The following AP4M1 variants were observed in gnomAD, a reference collection of about 807,000 sequenced individuals.
AP4M1 encodes the protein AP-4 complex subunit mu-1.
In AP4M1, 58 loss-of-function variants were observed where a neutral mutation model predicts 62.4. The observed-to-expected ratio is 0.93, with a 90% CI of 0.75 to 1.16. AP4M1 has a LOEUF of 1.16. Among genes scored for constraint, AP4M1 ranks in the 50% most tolerant of loss-of-function variants. The pLI is 0.00. For missense variants in AP4M1, 626 were observed against 585.4 expected, an observed-to-expected ratio of 1.07 and a Z score of -0.72; for synonymous variants, 290 against 239.7, an observed-to-expected ratio of 1.21 and a Z score of -1.94.
upstream of AP4M1, chr7:100,100,972 G>A (rs1795983207): frequency 1.0e-5 from 10 of 978,742 alleles, no homozygotes; most frequent in Non-Finnish European, 1.4e-5. Flanking sequence ...GGTCCTGGGC[G>A]CGACTTTTCC....
Position 100,101,755 on chromosome 7 carries a change from C to T in AP4M1, c.41C>T (p.Pro14Leu), listed in dbSNP as rs368682395. Residue 14 changes from proline (P) to leucine (L), a missense_variant, in exon 1 of 15, where the codon CCG (proline) becomes CTG (leucine). Physicochemically the swap from Pro to Leu is moderately conservative, Grantham distance 98. Transcript: ENST00000359593. Reference sequence around the variant, plus strand: ...TTCATTCTGTCCTCCAAGGGGGACCCGCTCATCTACAAAGACTGTATCCTA... The same window carrying T: ...TTCATTCTGTCCTCCAAGGGGGACCTGCTCATCTACAAAGACTGTATCCTA... Reference protein sequence around the residue: ...QFFILSSKGDPLIYKDFRGDS... With the variant: ...QFFILSSKGDLLIYKDFRGDS... The T allele has an allele frequency of 6.2e-6, 10 of 1,613,162 alleles. No homozygotes were observed. In the African/African-American group the frequency reaches 6.7e-5, roughly 11 times the overall value.
intron 12 of AP4M1, 91 bp from the exon 13 acceptor site, chr7:100,106,150 C>T: frequency 6.4e-7 from 1 of 1,559,202 alleles, no homozygotes; most frequent in Non-Finnish European, 8.8e-7. Context: ...GTGGGGGGCA[C>T]CTGTGCTGAA....
Position 100,104,124 on chromosome 7 carries a change from C to T in AP4M1, c.576C>T (p.Val192=), listed in dbSNP as rs776742429. 10 of 1,613,960 alleles carry T rather than the reference C, an allele frequency of 6.2e-6. No individual in the cohort carries two copies. Among genetic ancestry groups the T allele is most frequent in the Admixed American group, 1.7e-5 (1 of 60,004 alleles). Residue 192 remains valine (V), a synonymous_variant, in exon 7 of 15, where the codon GTC becomes GTT. Transcript: ENST00000359593. ...SQKNEVFLDV[V]ERLSVLIASN... is the part of the protein sequence containing the mutation. ...AGAATGAAGTTTTTTTGGATGTGGT[C>T]GAGAGATTGTCTGTACTGATAGCAT...
rs771114839 is a variant in AP4M1, at chr7:100,106,764, C to T, written c.1244C>T (p.Thr415Met). The change falls in exon 15 of 15, where the codon ACG becomes ATG. Residue 415 changes from threonine (T) to methionine (M), a missense_variant. Coordinates refer to ENST00000359593, the MANE Select transcript of AP4M1 (RefSeq NM_004722.4). ...CTCTCCTTCGAGCTTCCCCGGCACA[C>T]GTGCTCTGGCCTCCAGGTCCGATTC... ...ASLSFELPRH[T>M]CSGLQVRFLR... is the part of the protein sequence containing the mutation. 9.9e-6 allele frequency: 16 copies of T among 1,614,098 alleles called. No individual in the cohort carries two copies. The highest frequency in any genetic ancestry group is 5.0e-5 in the Admixed American group (3 of 60,026).
chr7:100,102,093 A>C, intron 2 of AP4M1, 125 bp downstream of exon 2: 1 of 1,127,010 alleles, frequency 8.9e-7, no homozygotes, highest in Non-Finnish European at 1.3e-6. Flanking sequence ...AATAAAGCTA[A>C]CGTGAGGCCC....
In AP4M1 at chr7:100,108,768, ATC is replaced by A; in HGVS notation, c.*1888_*1889del. On this transcript the variant is annotated 3_prime_UTR_variant, in exon 15 of 15. Transcript: ENST00000359593. ...AGATGGGCACGGGGCCAGGTGCAGC[ATC>A]TTAGGCCTGTATCCCAGCACTTGGG... is the stretch of plus-strand genomic sequence containing the variant. 1 of 429,406 alleles carries A rather than the reference ATC, an allele frequency of 2.3e-6. No homozygotes were observed. The highest frequency in any genetic ancestry group is 6.1e-4 in the Middle Eastern group (1 of 1,638). 26.6% of individuals were successfully genotyped at this position (429,406 alleles called of 1,614,324 possible).
chr7:100,102,428 A>T (rs1490341665), intron 2 of AP4M1: 1 of 455,404 alleles, frequency 2.2e-6, no homozygotes, highest in East Asian at 3.5e-5. Context: ...AAAAAGAGTC[A>T]ATGGGCGCCA....
At position 100,103,674 on chromosome 7, in the gene AP4M1, G is replaced by A. The variant is rs113020957; in HGVS notation, c.525G>A (p.Leu175=). ...GCAGTGCAGCCAGCCGCCCCGTCCT[G>A]TCCAGTCGCTCTGACCAGGTGAGGG... The part of the protein sequence containing the change: ...APSSAASRPV[L]SSRSDQSQKN... Residue 175 remains leucine (L), a synonymous_variant, in exon 6 of 15, where the codon CTG becomes CTA. Coordinates refer to ENST00000359593, the MANE Select transcript of AP4M1 (RefSeq NM_004722.4). 542 of 1,612,782 alleles carry A rather than the reference G, an allele frequency of 3.4e-4. 2 individuals are homozygous for A. In the African/African-American group the frequency reaches 6.1e-3, roughly 18 times the overall value.
In AP4M1 at chr7:100,103,632, G is replaced by A. The variant is rs1203718689; in HGVS notation, c.483G>A (p.Gln161=). 6.2e-7 allele frequency: 1 copy of A among 1,613,820 alleles called. No individual in the cohort carries two copies. The highest frequency in any genetic ancestry group is 8.5e-7 in the Non-Finnish European group (1 of 1,180,044). Residue 161 remains glutamine, a synonymous_variant, in exon 6 of 15, where the codon CAG becomes CAA. Transcript: ENST00000359593. ...SVGLFGAETQ[Q]SKVAPSSAAS... Reference sequence around the variant, plus strand: ...TACAGTTTGGGGCTGAGACACAACAGAGCAAAGTGGCCCCCAGCAGTGCAG... The same window carrying A: ...TACAGTTTGGGGCTGAGACACAACAAAGCAAAGTGGCCCCCAGCAGTGCAG...
At position 100,108,404 on chromosome 7, in the gene AP4M1, G is replaced by C; in HGVS notation, c.*1522G>C. On this transcript the variant is annotated 3_prime_UTR_variant, in exon 15 of 15. Coordinates refer to ENST00000359593, the MANE Select transcript of AP4M1 (RefSeq NM_004722.4). ...CAGAGTGGTCCTGTTGACCTGCTGA[G>C]CCTGCAGAGCAGCCTGGGCCCGAGC... The C allele has an allele frequency of 6.2e-7, 1 of 1,612,736 alleles. No individual in the cohort carries two copies.
At chr7:100,100,867 C>G (rs1256533952), upstream of AP4M1, 6 of 1,038,806 alleles carry the variant, frequency 5.8e-6, no homozygotes, top group East Asian at 8.3e-5. Flanking sequence ...CCCCCGGGGC[C>G]TACGCGCGCC....
Position 100,106,992 on chromosome 7 carries a change from G to C in AP4M1, c.*110G>C. ...CGGACTCTGAATCTGGGCAGGAAGA[G>C]TCCTCAGTCCCAAGACCAGGAGGGG... is the stretch of plus-strand genomic sequence containing the variant. On this transcript the variant is annotated 3_prime_UTR_variant, in exon 15 of 15. Transcript: ENST00000359593. 1 of 1,346,794 alleles carries C rather than the reference G, an allele frequency of 7.4e-7. No individual in the cohort carries two copies. The highest frequency in any genetic ancestry group is 1.2e-5 in the South Asian group (1 of 80,348). The allele number at this position is 1,346,794 out of a possible 1,614,324, so 83.4% of individuals were successfully genotyped here.
At position 100,106,842 on chromosome 7, in the gene AP4M1, G is replaced by C. The variant is rs747467603; in HGVS notation, c.1322G>C (p.Arg441Pro). ...CGNANPHKWV[R>P]HLSHSDAYVI... Reference sequence around the variant, plus strand: ...AATGCCAACCCCCACAAGTGGGTGCGACACCTAAGCCACAGCGACGCCTAT... The same window carrying C: ...AATGCCAACCCCCACAAGTGGGTGCCACACCTAAGCCACAGCGACGCCTAT... Residue 441 changes from arginine to proline, a missense_variant, in exon 15 of 15, where the codon CGA becomes CCA. Arg to Pro is a moderately radical substitution (Grantham distance 103). Transcript: ENST00000359593. 6.2e-7 allele frequency: 1 copy of C among 1,613,878 alleles called. No individual in the cohort carries two copies. The highest frequency in any genetic ancestry group is 8.5e-7 in the Non-Finnish European group (1 of 1,180,044).
chr7:100,101,082 T>C (rs1795994446), upstream of AP4M1: 30 of 748,096 alleles, frequency 4.0e-5, no homozygotes, highest in South Asian at 4.7e-4. Context: ...TCAACATCGA[T>C]GGCCCCCCGC....
Position 100,107,392 on chromosome 7 carries a change from G to A in AP4M1, c.*510G>A, listed in dbSNP as rs975863232. ...AGTGGGGACGGGGACGATGCCGGGG[G>A]AGGAACTGGAGAAGGATGGGAGGTG... On this transcript the variant is annotated 3_prime_UTR_variant, in exon 15 of 15. Transcript: ENST00000359593. 3 of 1,598,672 alleles carry A rather than the reference G, an allele frequency of 1.9e-6. No homozygotes were observed. Among genetic ancestry groups the A allele is most frequent in the Non-Finnish European group, 2.6e-6 (3 of 1,170,522 alleles).
intron 14 of AP4M1, 23 bp from the exon 15 acceptor site, chr7:100,106,631 TCCTC>T (rs754476924): frequency 6.3e-6 from 9 of 1,427,294 alleles, no homozygotes; most frequent in Non-Finnish European, 8.5e-6. Context: ...TTGCCCTCCT[TCCTC>T]TCCCTGCCTC....
In AP4M1 at chr7:100,107,991, G is replaced by A. The variant is rs754757054; in HGVS notation, c.*1109G>A. 6.8e-6 allele frequency: 11 copies of A among 1,613,932 alleles called. No individual in the cohort carries two copies. In the Admixed American group the frequency reaches 8.3e-5, roughly 12 times the overall value. The stretch of plus-strand genomic sequence containing the variant: ...ATAAACTTGGTTGGAGGAGGGGAAG[G>A]CTGTGGTGGGGCAGCCGCTCGTGCA... On this transcript the variant is annotated 3_prime_UTR_variant, in exon 15 of 15. Transcript: ENST00000359593.
rs1355324982 is a variant in AP4M1, at chr7:100,104,107, G to GT, written c.566dup (p.Leu189PhefsTer14). Reference sequence around the variant, plus strand: ...TCTTTCTCAGAGCCAAAAGAATGAAGTTTTTTTGGATGTGGTCGAGAGATT... The same window carrying GT: ...TCTTTCTCAGAGCCAAAAGAATGAAGTTTTTTTTGGATGTGGTCGAGAGATT... On this transcript the variant is annotated frameshift_variant, in exon 7 of 15. Transcript: ENST00000359593. LOFTEE classifies it high-confidence loss of function. 1.9e-6 allele frequency: 3 copies of GT among 1,613,958 alleles called. No homozygotes were observed. Among genetic ancestry groups the GT allele is most frequent in the Middle Eastern group, 1.6e-4 (1 of 6,062 alleles).
In AP4M1 at chr7:100,102,660, C is replaced by G. The variant is rs776775214; in HGVS notation, c.148-15C>G. ...CCTTTTTTTAACGCCTCTCTTCTCC[C>G]TGCCTGTGTCTCAGCATCACCATGG... On this transcript the variant is annotated splice_polypyrimidine_tract_variant and intron_variant, in intron 2 of 14. Coordinates refer to ENST00000359593, the MANE Select transcript of AP4M1 (RefSeq NM_004722.4). 2 of 1,612,552 alleles carry G rather than the reference C, an allele frequency of 1.2e-6. No homozygotes were observed. The highest frequency in any genetic ancestry group is 1.1e-5 in the South Asian group (1 of 91,034).
Sources: gnomAD v4.1 joint callset for allele counts on GRCh38, gnomAD v4.1.1 for gene constraint, MANE v1.5 for transcripts, NCBI Gene and HGNC (gene_info 2026-07-23, HGNC 2026-07-21) for gene names.